PCDHA7: variants seen among roughly 807,000 people sequenced by gnomAD.
The protein encoded by PCDHA7 is protocadherin alpha-7.
In PCDHA7, 37 loss-of-function variants were observed where a neutral mutation model predicts 57.2. That is an observed-to-expected ratio of 0.65 (90% CI 0.50 to 0.85). The LOEUF is 0.85. Among genes scored for constraint, PCDHA7 ranks in the 40% least tolerant of loss-of-function variants. The pLI is 0.00. For missense variants in PCDHA7, 1,188 were observed against 1,241.8 expected (o/e 0.96, Z 0.65); for synonymous variants, 553 against 558.8 (o/e 0.99, Z 0.15).
intron 1 of PCDHA7, chr5:140,842,447 G>C (rs200777298): frequency 6.2e-7 from 1 of 1,613,790 alleles, no homozygotes; most frequent in Non-Finnish European, 8.5e-7. Context: ...TAGCGTGAAC[G>C]ACCTCGATTC....
chr5:140,872,209 T>C (rs900203010), intron 1 of PCDHA7, among the ~76,000 whole-genome samples: 4 of 152,214 alleles, frequency 2.6e-5, no homozygotes, highest in South Asian at 2.1e-4. Context: ...AAATTCATTA[T>C]ATATGAAACA....
At chr5:140,871,432 C>T (rs782382962) in intron 1 of PCDHA7, 1 of 1,612,926 alleles carries the variant, frequency 6.2e-7, no homozygotes, top group Non-Finnish European at 8.5e-7. Flanking sequence ...CAGTCTTCCT[C>T]TAGGTCTGAA....
At chr5:140,989,947 T>G (rs2097368215) in intron 3 of PCDHA7, among the ~76,000 whole-genome samples, 1 of 152,062 alleles carries the variant, frequency 6.6e-6, no homozygotes, top group Non-Finnish European at 1.5e-5. Context: ...CACGTTTTTC[T>G]CGGTGAGACC....
rs2150392159 is a variant in PCDHA7, at chr5:140,846,538, C to T, written c.2355+9800C>T. ...TACAGGTGCATGCCACCATGCCCTG[C>T]TAATTTTTTGTATTTTTAGTAGAGT... On this transcript the variant is annotated intron_variant, in intron 1 of 3. Transcript: ENST00000525929. Among the ~76,000 whole-genome samples the T allele has an allele frequency of 2.0e-4, 30 of 148,498 alleles. 2 individuals are homozygous for T. The highest frequency in any genetic ancestry group is 4.1e-4 in the Admixed American group (6 of 14,814).
chr5:140,967,485 C>A lies in PCDHA7; in HGVS notation c.2356-11464C>A, dbSNP rs781948599. 3.7e-6 allele frequency: 6 copies of A among 1,613,056 alleles called. No homozygotes were observed. In the South Asian group the frequency reaches 6.6e-5, roughly 18 times the overall value. On this transcript the variant is annotated intron_variant, in intron 1 of 3. Coordinates refer to ENST00000525929, the MANE Select transcript of PCDHA7 (RefSeq NM_018910.3). ...GGGGGCATCCCAGCCCGCTCGGGTA[C>A]GGCACAGATCTCTGTGCGTGTCCTG...
rs2150259063 is a variant in PCDHA7 at position 140,836,376 on chromosome 5, G to T, written c.1993G>T (p.Val665Leu). ...GEPSLTATAT[V>L]LVSLVESGQA... ...GCCCTCGCTGACAGCCACAGCCACCGTGCTGGTGTCGCTGGTGGAAAGCGG... is the reference window on the plus strand; with the variant it reads ...GCCCTCGCTGACAGCCACAGCCACCTTGCTGGTGTCGCTGGTGGAAAGCGG... Residue 665 changes from valine (V) to leucine (L), a missense_variant, in exon 1 of 4, where the codon GTG becomes TTG. Coordinates refer to ENST00000525929, the MANE Select transcript of PCDHA7 (RefSeq NM_018910.3). 3.7e-6 allele frequency: 6 copies of T among 1,613,644 alleles called. No homozygotes were observed. In the Admixed American group the frequency reaches 6.7e-5, roughly 18 times the overall value.
intron 1 of PCDHA7, chr5:140,966,700 G>T: frequency 7.3e-7 from 1 of 1,365,440 alleles, no homozygotes; most frequent in Non-Finnish European, 9.4e-7. Context: ...GGGCCCGGGC[G>T]TGGGGCACGG....
intron 3 of PCDHA7, among the ~76,000 whole-genome samples, chr5:140,986,398 G>A (rs973049448): frequency 7.2e-5 from 11 of 152,174 alleles, no homozygotes; most frequent in African/African-American, 2.4e-4. Flanking sequence ...AGGGCCAGTC[G>A]CTCATGTTAC....
At chr5:140,871,659 T>C (rs2153275031) in intron 1 of PCDHA7, 1 of 1,218,398 alleles carries the variant, frequency 8.2e-7, no homozygotes, top group Non-Finnish European at 1.1e-6. Context: ...GATACACATC[T>C]TCAGTCTTTT....
At chr5:140,941,255 C>CTTTCTT (rs782490896) in intron 1 of PCDHA7, among the ~76,000 whole-genome samples, 957 of 44,428 alleles carry the variant, frequency 0.022, 12 homozygotes, top group African/African-American at 0.028. Flanking sequence ...TTCTTTCTTT[C>CTTTCTT]TCTTTCTTTC....
intron 1 of PCDHA7, among the ~76,000 whole-genome samples, chr5:140,973,810 T>C (rs1179978402): frequency 6.6e-6 from 1 of 152,230 alleles, no homozygotes; most frequent in Non-Finnish European, 1.5e-5. Context: ...CTTGACAGAA[T>C]AGCAAAGTCA....
intron 1 of PCDHA7, among the ~76,000 whole-genome samples, chr5:140,942,008 T>C (rs155814): frequency 0.3 from 44,965 of 152,110 alleles, 7,230 homozygotes; most frequent in East Asian, 0.53. Flanking sequence ...CTCTTATTAT[T>C]AATTTTGGGA....
At chr5:140,881,304 C>T (rs1011967816) in intron 1 of PCDHA7, 1 of 965,928 alleles carries the variant, frequency 1.0e-6, no homozygotes, top group South Asian at 4.8e-5. Flanking sequence ...AAACTTTAAC[C>T]TCCTGGTTAA....
chr5:140,928,106 G>GGGA lies in PCDHA7; in HGVS notation c.2356-50841_2356-50839dup, dbSNP rs2084940814. The stretch of plus-strand genomic sequence containing the variant: ...CTGCTGATTGATGGGCCCCTGGACC[G>GGGA]GGAGCAGATCAGTGAATACCAAGTC... On this transcript the variant is annotated intron_variant, in intron 1 of 3. Coordinates refer to ENST00000525929, the MANE Select transcript of PCDHA7 (RefSeq NM_018910.3). The GGGA allele has an allele frequency of 1.9e-6, 3 of 1,614,032 alleles. No individual in the cohort carries two copies. In the South Asian group the frequency reaches 3.3e-5, roughly 18 times the overall value.
chr5:141,009,510 C>T (rs936602953), intron 3 of PCDHA7, 117 bp from the exon 4 acceptor site: 7 of 1,498,300 alleles, frequency 4.7e-6, no homozygotes, highest in Admixed American at 4.7e-5. Flanking sequence ...ACAAACAACT[C>T]GTGATTTTTC....
In PCDHA7 at chr5:140,869,957, A is replaced by G. The variant is rs782483772; in HGVS notation, c.2355+33219A>G. The stretch of plus-strand genomic sequence containing the variant: ...GTAACATACTCCTTAATGTCAATTA[A>G]GCCCAATGGAAGACACTTATTTACA... On this transcript the variant is annotated intron_variant, in intron 1 of 3. Transcript: ENST00000525929. 4 of 1,613,040 alleles carry G rather than the reference A, an allele frequency of 2.5e-6. No homozygotes were observed. The South Asian group carries it at 4.4e-5, about 18-fold the overall frequency.
At chr5:140,893,655 T>G (rs894439477) in intron 1 of PCDHA7, among the ~76,000 whole-genome samples, 1 of 152,200 alleles carries the variant, frequency 6.6e-6, no homozygotes, top group Non-Finnish European at 1.5e-5. Flanking sequence ...GCTGATAGTT[T>G]TAAAAAATTT....
At chr5:140,863,236 G>A (rs782784210) in intron 1 of PCDHA7, 6 of 1,282,274 alleles carry the variant, frequency 4.7e-6, no homozygotes, top group Non-Finnish European at 4.4e-6. Context: ...CCCATCGCGG[G>A]CTTTGGCGGG....
At chr5:140,998,533 T>C (rs1362807124) in intron 3 of PCDHA7, among the ~76,000 whole-genome samples, 1 of 152,020 alleles carries the variant, frequency 6.6e-6, no homozygotes, top group Non-Finnish European at 1.5e-5. Flanking sequence ...TTTATATCCC[T>C]AATTCCTAAT....
Sources: allele counts gnomAD v4.1 joint callset (sites outside exome capture counted in the v4.1 genomes callset), GRCh38; gene constraint gnomAD v4.1.1; transcripts MANE v1.5; gene names NCBI Gene and HGNC (gene_info 2026-07-23, HGNC 2026-07-21).